Variants in MXI1 observed in about 807,000 individuals in gnomAD.
MXI1 encodes MAX interactor 1, dimerization protein.
Under a neutral mutation model 36.9 loss-of-function variants are expected in MXI1, and 18 were observed. The ratio of observed to expected loss-of-function variants is 0.49; its 90% confidence interval spans 0.34 to 0.72. The LOEUF is 0.72. MXI1 is among the 30% of genes least tolerant of loss of function. The pLI is 0.01. For synonymous variants in MXI1, 160 were observed against 146.7 expected (o/e 1.09, Z -0.65); for missense variants, 304 against 379.1 (o/e 0.80, Z 1.64).
At chr10:110,227,252 C>T (rs377540830) in intron 1 of MXI1, 2 of 649,178 alleles carry the variant, frequency 3.1e-6, no homozygotes, top group African/African-American at 4.6e-5. Context: ...GGGGGAGGGG[C>T]GTGTGCGGGA....
intron 3 of MXI1, among the ~76,000 whole-genome samples, chr10:110,272,027 C>T (rs951542486): frequency 6.6e-6 from 1 of 152,186 alleles, no homozygotes; most frequent in African/African-American, 2.4e-5. Flanking sequence ...ATAATCCCAG[C>T]CATGAGTCAA....
intron 5 of MXI1, among the ~76,000 whole-genome samples, chr10:110,281,300 A>G: frequency 1.3e-5 from 2 of 152,204 alleles, no homozygotes; most frequent in Admixed American, 6.5e-5. Context: ...TCTTGAATAA[A>G]TAGGATTTTT....
intron 2 of MXI1, 24 bp from the exon 3 acceptor site, chr10:110,244,803 GC>G (rs1855801179): frequency 7.5e-7 from 1 of 1,342,136 alleles, no homozygotes; most frequent in Non-Finnish European, 1.0e-6. Context: ...CATGGCTAAT[GC>G]TTTTTTTTTT....
chr10:110,283,423 C>A (rs542186649), intron 5 of MXI1, among the ~76,000 whole-genome samples: 42 of 152,200 alleles, frequency 2.8e-4, no homozygotes, highest in African/African-American at 8.4e-4. Context: ...GCCACCATGC[C>A]CAGCTAATTT....
rs199962883 is a variant in MXI1, at chr10:110,283,961, TGTG to T, written c.725-862_725-860del. Among the ~76,000 whole-genome samples, 750 of 146,886 alleles carry T rather than the reference TGTG, an allele frequency of 5.1e-3. 20 individuals are homozygous for T. The East Asian group carries it at 0.061, about 12-fold the overall frequency. ...TATACCCAGCTAATTTTTGTGTTGT[TGTG>T]TTTTTTTTGGTAGAAATGAGGTCTC... On this transcript the variant is annotated intron_variant, in intron 5 of 5. Transcript: ENST00000332674.
intron 1 of MXI1, among the ~76,000 whole-genome samples, chr10:110,221,063 CCAAGGTTTGCGGT>C (rs1854792206): frequency 6.6e-6 from 1 of 152,142 alleles, no homozygotes; most frequent in Non-Finnish European, 1.5e-5. Flanking sequence ...GAGGTTGGGC[CCAAGGTTTGCGGT>C]CATCACCAGG....
intron 3 of MXI1, chr10:110,257,644 A>T: frequency 6.2e-6 from 1 of 162,004 alleles, no homozygotes; most frequent in Non-Finnish European, 1.3e-5. Flanking sequence ...ATGTGTATTG[A>T]GCATATTTTT....
At chr10:110,275,234 C>T (rs1042258659) in intron 3 of MXI1, among the ~76,000 whole-genome samples, 1 of 151,990 alleles carries the variant, frequency 6.6e-6, no homozygotes. Flanking sequence ...GTCCTTTTTC[C>T]TTCCCCCAAA....
At chr10:110,283,296 C>T (rs934500875) in intron 5 of MXI1, among the ~76,000 whole-genome samples, 2 of 150,370 alleles carry the variant, frequency 1.3e-5, no homozygotes, top group African/African-American at 4.9e-5. Context: ...GAGTGTCTCG[C>T]TCTGTCGCCT....
intron 3 of MXI1, among the ~76,000 whole-genome samples, chr10:110,273,260 A>T (rs565114203): frequency 6.6e-6 from 1 of 151,584 alleles, no homozygotes; most frequent in South Asian, 2.1e-4. Flanking sequence ...TGTTAGCCAC[A>T]ATGGTCTCGA....
At chr10:110,265,680 A>C (rs1856655313) in intron 3 of MXI1, among the ~76,000 whole-genome samples, 1 of 152,224 alleles carries the variant, frequency 6.6e-6, no homozygotes, top group Non-Finnish European at 1.5e-5. Context: ...AGAAGACAAA[A>C]GATATTATAA....
intron 1 of MXI1, among the ~76,000 whole-genome samples, chr10:110,223,610 T>C (rs1196014412): frequency 6.6e-6 from 1 of 151,944 alleles, no homozygotes; most frequent in African/African-American, 2.4e-5. Flanking sequence ...ATAAATAAAT[T>C]CTACCCTCAA....
chr10:110,263,352 C>T (rs1197544586), intron 3 of MXI1, among the ~76,000 whole-genome samples: 1 of 152,164 alleles, frequency 6.6e-6, no homozygotes, highest in Admixed American at 6.6e-5. Flanking sequence ...AGTTTGTCCC[C>T]ATAGAATATT....
intron 3 of MXI1, among the ~76,000 whole-genome samples, chr10:110,258,862 G>A (rs886854708): frequency 3.3e-5 from 5 of 152,086 alleles, no homozygotes; most frequent in African/African-American, 1.2e-4. Context: ...TTAAGACTAA[G>A]CTTTCTTCTC....
intron 2 of MXI1, among the ~76,000 whole-genome samples, chr10:110,231,975 GTT>G (rs199767400): frequency 6.8e-6 from 1 of 147,324 alleles, no homozygotes; most frequent in Admixed American, 6.7e-5. Context: ...TGCAACTACA[GTT>G]TTTTTTTTTG....
intron 1 of MXI1, among the ~76,000 whole-genome samples, chr10:110,215,907 C>A (rs576702799): frequency 2.6e-5 from 4 of 152,164 alleles, no homozygotes; most frequent in Admixed American, 1.3e-4. Context: ...TGGAAGGGAA[C>A]GGGAGAGGCT....
At chr10:110,228,149 A>G (rs1855128874) in intron 1 of MXI1, 40 bp from the exon 2 acceptor site, 2 of 1,610,054 alleles carry the variant, frequency 1.2e-6, no homozygotes, top group Non-Finnish European at 1.7e-6. Flanking sequence ...TTTGGGTACT[A>G]TATTCTTCTT....
intron 1 of MXI1, among the ~76,000 whole-genome samples, chr10:110,216,461 C>G (rs1002274349): frequency 1.7e-4 from 26 of 151,996 alleles, no homozygotes; most frequent in African/African-American, 6.3e-4. Context: ...AGGTAGAGTT[C>G]CTGTCTTCAT....
At chr10:110,253,812 A>G (rs1013657231) in intron 3 of MXI1, among the ~76,000 whole-genome samples, 1 of 152,126 alleles carries the variant, frequency 6.6e-6, no homozygotes, top group African/African-American at 2.4e-5. Flanking sequence ...GGGTATTAGT[A>G]TGTCTCAATA....
Sources: gnomAD v4.1 joint callset for allele counts (sites outside exome capture counted in the v4.1 genomes callset) on GRCh38, gnomAD v4.1.1 for gene constraint, MANE v1.5 for transcripts, NCBI Gene and HGNC (gene_info 2026-07-23, HGNC 2026-07-21) for gene names.